The following COA7 variants were observed in gnomAD, a reference collection of about 807,000 sequenced individuals.
COA7 encodes the protein cytochrome c oxidase assembly factor 7, also known as Sel1 repeat containing 1.
Under a neutral mutation model 21.0 loss-of-function variants are expected in COA7, and 12 were observed. That is an observed-to-expected ratio of 0.57 (90% CI 0.37 to 0.92). The LOEUF (loss-of-function observed/expected upper bound fraction) is 0.92. Ranked by LOEUF, COA7 falls within the 40% of genes least tolerant of loss-of-function variation. COA7 has a pLI of 0.01. For synonymous variants in COA7, 95 were observed against 107.4 expected, an observed-to-expected ratio of 0.88 and a Z score of 0.72; for missense variants, 240 against 286.1, an observed-to-expected ratio of 0.84 and a Z score of 1.16.
In COA7 at chr1:52,687,274, C is replaced by A. The variant is rs1287427345; in HGVS notation, c.*446G>T. Reference sequence around the variant, plus strand: ...AGATACGTTCTGATTTTCAAGCCATCCTAACCAAAATAATAATGATGAAAA... The same window carrying A: ...AGATACGTTCTGATTTTCAAGCCATACTAACCAAAATAATAATGATGAAAA... On this transcript the variant is annotated 3_prime_UTR_variant, in exon 3 of 3. Coordinates refer to ENST00000371538, the MANE Select transcript of COA7 (RefSeq NM_023077.3). 5.9e-6 allele frequency: 1 copy of A among 169,148 alleles called. No individual in the cohort carries two copies. The highest frequency in any genetic ancestry group is 1.3e-5 in the Non-Finnish European group (1 of 77,104). The allele number at this position is 169,148 out of a possible 1,614,324, so 10.5% of individuals were successfully genotyped here.
In COA7 at chr1:52,694,225, G is replaced by A. The variant is rs542417148; in HGVS notation, c.107-1358C>T. On this transcript the variant is annotated intron_variant, in intron 1 of 2. Coordinates refer to ENST00000371538, the MANE Select transcript of COA7 (RefSeq NM_023077.3). ...GACTTCCCCAGCAATTTGGGAGGCC[G>A]AGGCAGGCAGATCACCTGAGGTCGG... Among the ~76,000 whole-genome samples, 101 of 152,070 alleles carry A rather than the reference G, an allele frequency of 6.6e-4. 1 individual carries two copies. Among genetic ancestry groups the A allele is most frequent in the African/African-American group, 2.3e-3 (97 of 41,480 alleles).
At chr1:52,693,996 T>C (rs1220962742) in intron 1 of COA7, among the ~76,000 whole-genome samples, 2 of 152,198 alleles carry the variant, frequency 1.3e-5, no homozygotes, top group Non-Finnish European at 2.9e-5. Context: ...GTAATAAATG[T>C]TATAACAACT....
chr1:52,690,578 A>G (rs898956633), intron 2 of COA7, among the ~76,000 whole-genome samples: 1 of 152,178 alleles, frequency 6.6e-6, no homozygotes, highest in African/African-American at 2.4e-5. Flanking sequence ...TCTAGCCCAT[A>G]GTGACATTTC....
Position 52,688,032 on chromosome 1 carries a change from C to G in COA7, c.384G>C (p.Gln128His). ...AHDGQVNEDG[Q>H]PDLGKARDYY... The stretch of plus-strand genomic sequence containing the variant: ...AGTCCCTGGCCTTTCCCAAGTCAGG[C>G]TGGCCATCCTCATTAACCTGTCCAT... Residue 128 changes from glutamine (Q) to histidine (H), a missense_variant, in exon 3 of 3, where the codon CAG becomes CAC. Physicochemically the swap from Gln to His is conservative, Grantham distance 24. Coordinates refer to ENST00000371538, the MANE Select transcript of COA7 (RefSeq NM_023077.3). 1 of 1,614,206 alleles carries G rather than the reference C, an allele frequency of 6.2e-7. No individual in the cohort carries two copies. Among genetic ancestry groups the G allele is most frequent in the Non-Finnish European group, 8.5e-7 (1 of 1,180,030 alleles).
At chr1:52,696,301 G>A (rs996003705) in intron 1 of COA7, among the ~76,000 whole-genome samples, 20 of 152,104 alleles carry the variant, frequency 1.3e-4, no homozygotes. Context: ...AGCCTCCCGA[G>A]TAGCTGGGAT....
At chr1:52,697,081 C>T (rs1644089830) in intron 1 of COA7, among the ~76,000 whole-genome samples, 1 of 151,878 alleles carries the variant, frequency 6.6e-6, no homozygotes, top group Non-Finnish European at 1.5e-5. Context: ...TGTACTCCAG[C>T]CTGGGTGACA....
chr1:52,696,229 G>A (rs1644083018), intron 1 of COA7, among the ~76,000 whole-genome samples: 1 of 151,668 alleles, frequency 6.6e-6, no homozygotes, highest in African/African-American at 2.4e-5. Flanking sequence ...GCTGGAGTGT[G>A]ATGGCGCGAT....
rs910169416 is a variant in COA7, at chr1:52,687,413, A to G, written c.*307T>C. ...TCTCTAGTTTGCTCCTATTTTTCAC[A>G]GAGTTGCCAGAGTTTGAAAACTAAG... On this transcript the variant is annotated 3_prime_UTR_variant, in exon 3 of 3. Coordinates refer to ENST00000371538, the MANE Select transcript of COA7 (RefSeq NM_023077.3). 6.2e-6 allele frequency: 2 copies of G among 320,754 alleles called. No homozygotes were observed. The highest frequency in any genetic ancestry group is 4.2e-5 in the African/African-American group (2 of 48,012). 19.9% of individuals were successfully genotyped at this position (320,754 alleles called of 1,614,324 possible). A position where few individuals can be genotyped will look rare whatever the true frequency, so the allele number is the denominator to read the frequency against.
At chr1:52,688,295 G>C (rs1453561508) in intron 2 of COA7, 127 bp from the exon 3 acceptor site, 1 of 727,120 alleles carries the variant, frequency 1.4e-6, no homozygotes, top group African/African-American at 1.8e-5. Context: ...CCAGGCTGGA[G>C]TGCACTGGCA....
chr1:52,687,401 C>T lies in COA7; in HGVS notation c.*319G>A, dbSNP rs1644013600. 3.3e-6 allele frequency: 1 copy of T among 303,876 alleles called. No individual in the cohort carries two copies. The highest frequency in any genetic ancestry group is 6.1e-6 in the Non-Finnish European group (1 of 163,420). 18.8% of individuals were successfully genotyped at this position (303,876 alleles called of 1,614,324 possible). On this transcript the variant is annotated 3_prime_UTR_variant, in exon 3 of 3. Transcript: ENST00000371538. ...AATCTCCAGGGCTCTCTAGTTTGCTCCTATTTTTCACAGAGTTGCCAGAGT... is the reference window on the plus strand; with the variant it reads ...AATCTCCAGGGCTCTCTAGTTTGCTTCTATTTTTCACAGAGTTGCCAGAGT...
At chr1:52,693,128 AC>A (rs1644059929) in intron 1 of COA7, among the ~76,000 whole-genome samples, 1 of 152,166 alleles carries the variant, frequency 6.6e-6, no homozygotes, top group Non-Finnish European at 1.5e-5. Flanking sequence ...CATTGGCTCT[AC>A]CACTCACCAG....
chr1:52,688,242 G>T, intron 2 of COA7, 74 bp from the exon 3 acceptor site: 18 of 1,197,938 alleles, frequency 1.5e-5, no homozygotes, highest in South Asian at 3.1e-5. Context: ...CAAAGTCAGT[G>T]AATTTTTTTT....
At chr1:52,693,605 TAAAAAAAAAAAAA>T (rs565539055) in intron 1 of COA7, among the ~76,000 whole-genome samples, 45 of 117,648 alleles carry the variant, frequency 3.8e-4, no homozygotes, top group Middle Eastern at 0.01. Flanking sequence ...GACTCTGTCT[TAAAAAAAAAAAAA>T]AAAAGAAAGA....
chr1:52,697,938 A>G (rs1644096313), intron 1 of COA7: 1 of 406,150 alleles, frequency 2.5e-6, no homozygotes, highest in South Asian at 3.9e-5. Context: ...TCCCCGCACT[A>G]GCTTGGAAGC....
Position 52,698,339 on chromosome 1 carries a change from C to T in COA7, c.-13G>A. 1 of 1,601,616 alleles carries T rather than the reference C, an allele frequency of 6.2e-7. No individual in the cohort carries two copies. On this transcript the variant is annotated 5_prime_UTR_variant, in exon 1 of 3. Coordinates refer to ENST00000371538, the MANE Select transcript of COA7 (RefSeq NM_023077.3). ...CCATGCCGGCCATGGTTCGCGCCGG[C>T]CCAAAGACGGTCACGTGAGCCGGCG...
intron 2 of COA7, among the ~76,000 whole-genome samples, chr1:52,690,281 T>G (rs1203865625): frequency 1.3e-5 from 2 of 152,016 alleles, no homozygotes; most frequent in Non-Finnish European, 2.9e-5. Flanking sequence ...TTACTCAATC[T>G]CAAAAAATAT....
intron 2 of COA7, among the ~76,000 whole-genome samples, chr1:52,688,719 G>A (rs191718739): frequency 2.3e-3 from 353 of 152,288 alleles, no homozygotes; most frequent in Non-Finnish European, 3.5e-3. Flanking sequence ...AGCTCAGGCA[G>A]CATGAAAGGT....
chr1:52,689,039 T>C (rs542622088), intron 2 of COA7, among the ~76,000 whole-genome samples: 1 of 152,320 alleles, frequency 6.6e-6, no homozygotes, highest in Non-Finnish European at 1.5e-5. Flanking sequence ...ACTCAGTATT[T>C]ACATTGTATT....
At chr1:52,688,245 T>A in intron 2 of COA7, 77 bp from the exon 3 acceptor site, 4 of 256,066 alleles carry the variant, frequency 1.6e-5, no homozygotes, top group Middle Eastern at 1.5e-3. Context: ...AGTCAGTGAA[T>A]TTTTTTTTTT....
Sources: gnomAD v4.1 joint callset for allele counts (sites outside exome capture counted in the v4.1 genomes callset) on GRCh38, gnomAD v4.1.1 for gene constraint, MANE v1.5 for transcripts, NCBI Gene and HGNC (gene_info 2026-07-23, HGNC 2026-07-21) for gene names.